The following PARD3B variants were observed in gnomAD, a reference collection of about 807,000 sequenced individuals.
PARD3B encodes partitioning defective 3 homolog B.
Under a neutral mutation model 130.2 loss-of-function variants are expected in PARD3B, and 103 were observed. That is an observed-to-expected ratio of 0.79 (90% CI 0.67 to 0.93). PARD3B has a LOEUF of 0.93. Ranked by LOEUF, PARD3B falls within the 40% of genes least tolerant of loss-of-function variation. The pLI is 0.00. For missense variants in PARD3B, 1,609 were observed against 1,499.2 expected, an observed-to-expected ratio of 1.07 and a Z score of -1.21; for synonymous variants, 583 against 553.2, an observed-to-expected ratio of 1.05 and a Z score of -0.76.
At chr2:205,364,966 C>T (rs2044545249) in intron 18 of PARD3B, among the ~76,000 whole-genome samples, 1 of 152,040 alleles carries the variant, frequency 6.6e-6, no homozygotes, top group Non-Finnish European at 1.5e-5. Flanking sequence ...CTTTGAGAGG[C>T]CAAGGCGAGT....
chr2:204,622,927 A>T (rs1352637516), intron 1 of PARD3B, among the ~76,000 whole-genome samples: 1 of 152,024 alleles, frequency 6.6e-6, no homozygotes, highest in East Asian at 1.9e-4. Flanking sequence ...AAGTTCTGTT[A>T]AAGTAAGTGA....
At chr2:204,798,989 T>C (rs1355247920) in intron 2 of PARD3B, among the ~76,000 whole-genome samples, 1 of 151,748 alleles carries the variant, frequency 6.6e-6, no homozygotes, top group Non-Finnish European at 1.5e-5. Flanking sequence ...CTCCTTATGC[T>C]TGAGGAAAGG....
At chr2:205,024,405 G>A (rs572949231) in intron 3 of PARD3B, among the ~76,000 whole-genome samples, 5 of 151,972 alleles carry the variant, frequency 3.3e-5, no homozygotes, top group Non-Finnish European at 7.4e-5. Flanking sequence ...CACACCTCAG[G>A]TGATCCACAT....
intron 4 of PARD3B, among the ~76,000 whole-genome samples, chr2:205,055,089 A>G (rs1483369901): frequency 2.0e-5 from 3 of 152,224 alleles, no homozygotes; most frequent in Non-Finnish European, 2.9e-5. Flanking sequence ...GCCCCCAGGC[A>G]CAGTGCCTGG....
At chr2:204,963,627 T>A (rs949015526) in intron 2 of PARD3B, among the ~76,000 whole-genome samples, 14 of 152,198 alleles carry the variant, frequency 9.2e-5, no homozygotes, top group South Asian at 4.1e-4. Flanking sequence ...GTTGATTTCA[T>A]TTTCCTTTTC....
intron 16 of PARD3B, among the ~76,000 whole-genome samples, chr2:205,277,217 A>G (rs2040985458): frequency 6.6e-6 from 1 of 152,258 alleles, no homozygotes; most frequent in African/African-American, 2.4e-5. Flanking sequence ...CAAGGAAGAC[A>G]GGTATATACA....
chr2:204,602,947 A>G (rs1486219373), intron 1 of PARD3B, among the ~76,000 whole-genome samples: 4 of 152,110 alleles, frequency 2.6e-5, no homozygotes, highest in African/African-American at 9.7e-5. Context: ...CAGATACTCA[A>G]TGAATGCTTT....
intron 20 of PARD3B, among the ~76,000 whole-genome samples, chr2:205,480,475 T>G (rs1361903481): frequency 6.6e-6 from 1 of 152,220 alleles, no homozygotes; most frequent in African/African-American, 2.4e-5. Flanking sequence ...GTGTATTGTT[T>G]CATCCCCATC....
Position 205,592,847 on chromosome 2 carries a change from A to C in PARD3B, c.3261-22609A>C, listed in dbSNP as rs187089260. Among the ~76,000 whole-genome samples, 81 of 152,342 alleles carry C rather than the reference A, an allele frequency of 5.3e-4. No homozygotes were observed. The highest frequency in any genetic ancestry group is 2.5e-3 in the South Asian group (12 of 4,824). ...TTGCCCAAACCGAACTCTGTCTTCAAGGTTCCCTTAATGCAGTCCCCTTGT... is the reference window on the plus strand; with the variant it reads ...TTGCCCAAACCGAACTCTGTCTTCACGGTTCCCTTAATGCAGTCCCCTTGT... On this transcript the variant is annotated intron_variant, in intron 22 of 22. Coordinates refer to ENST00000406610, the MANE Select transcript of PARD3B (RefSeq NM_001302769.2). This position sits in a 1 kb window ranked among gnomAD's most constrained non-coding sequence, Gnocchi z 4.5.
At chr2:204,988,908 G>A (rs2125234502) in intron 3 of PARD3B, among the ~76,000 whole-genome samples, 1 of 152,154 alleles carries the variant, frequency 6.6e-6, no homozygotes, top group Admixed American at 6.6e-5. Context: ...TGAAAAGAAT[G>A]GACTGCTACA....
At chr2:205,520,912 A>ATTGT (rs2106397518) in intron 21 of PARD3B, among the ~76,000 whole-genome samples, 1 of 151,998 alleles carries the variant, frequency 6.6e-6, no homozygotes, top group Admixed American at 6.6e-5. Flanking sequence ...AGTTGTATTC[A>ATTGT]TTGTTTCTTA....
chr2:205,192,906 C>T (rs573047938), intron 14 of PARD3B, among the ~76,000 whole-genome samples: 1 of 152,268 alleles, frequency 6.6e-6, no homozygotes, highest in East Asian at 1.9e-4. Flanking sequence ...TCCAGGCCCT[C>T]TTTACCCACT....
At chr2:205,060,727 A>G (rs1464847957) in intron 4 of PARD3B, among the ~76,000 whole-genome samples, 1 of 152,178 alleles carries the variant, frequency 6.6e-6, no homozygotes, top group Non-Finnish European at 1.5e-5. Flanking sequence ...TAAATTTTCT[A>G]TGTGTGTTAA....
chr2:205,200,949 C>T (rs542380041), intron 15 of PARD3B, among the ~76,000 whole-genome samples: 7 of 152,272 alleles, frequency 4.6e-5, no homozygotes, highest in East Asian at 1.9e-4. Context: ...TTGCCTGACA[C>T]GGCCATCCCC....
At position 205,142,624 on chromosome 2, in the gene PARD3B, A is replaced by C. The variant is rs1018877731; in HGVS notation, c.1435-16098A>C. On this transcript the variant is annotated intron_variant, in intron 10 of 22. Transcript: ENST00000406610. This position sits in a 1 kb window ranked among gnomAD's most constrained non-coding sequence, Gnocchi z 4.3. ...ACCAGGCACAGTGGCTCACGCCTGT[A>C]ATCCCAACACTTTGGGAGGCCGAGG... Among the ~76,000 whole-genome samples the C allele has an allele frequency of 7.2e-5, 11 of 152,160 alleles. No individual in the cohort carries two copies. Among genetic ancestry groups the C allele is most frequent in the African/African-American group, 2.7e-4 (11 of 41,422 alleles).
At chr2:204,849,069 CTT>C (rs2044593576) in intron 2 of PARD3B, among the ~76,000 whole-genome samples, 2 of 151,898 alleles carry the variant, frequency 1.3e-5, no homozygotes, top group Admixed American at 1.3e-4. Flanking sequence ...TATAAATTGA[CTT>C]TATGAAAATT....
intron 20 of PARD3B, among the ~76,000 whole-genome samples, chr2:205,442,290 CTTTTTTTTTTTTTTTTT>C (rs71410814): frequency 2.8e-5 from 3 of 105,992 alleles, no homozygotes; most frequent in Admixed American, 9.9e-5. Flanking sequence ...ACAGGTTTTC[CTTTTTTTTTTTTTTTTT>C]TTTTTTTTTG....
At chr2:205,031,304 AG>A (rs1254361797) in intron 3 of PARD3B, among the ~76,000 whole-genome samples, 2 of 152,234 alleles carry the variant, frequency 1.3e-5, no homozygotes, top group African/African-American at 4.8e-5. Flanking sequence ...AGACAAGCAC[AG>A]CACAAAGACA....
intron 2 of PARD3B, among the ~76,000 whole-genome samples, chr2:204,779,046 G>A (rs1574963129): frequency 6.6e-6 from 1 of 152,018 alleles, no homozygotes; most frequent in Non-Finnish European, 1.5e-5. Context: ...CCTTCTAGGT[G>A]CCCAGATCTT....
Sources: gnomAD v4.1 joint callset for allele counts (sites outside exome capture counted in the v4.1 genomes callset) on GRCh38, gnomAD v4.1.1 for gene constraint, Gnocchi (gnomAD v3.1) non-coding constraint, MANE v1.5 for transcripts, NCBI Gene and HGNC (gene_info 2026-07-23, HGNC 2026-07-21) for gene names.